The following PDZRN3 variants were observed in gnomAD, a reference collection of about 807,000 sequenced individuals.
PDZRN3 encodes E3 ubiquitin-protein ligase PDZRN3.
A neutral mutation model predicts 85.7 loss-of-function variants in PDZRN3; 38 were observed. The observed-to-expected ratio is 0.44, with a 90% CI of 0.34 to 0.58. The LOEUF (loss-of-function observed/expected upper bound fraction) is 0.58. PDZRN3 is among the 20% of genes least tolerant of loss of function. The pLI, the probability that PDZRN3 is intolerant of heterozygous loss-of-function variation, is 0.01. For synonymous variants in PDZRN3, 759 were observed against 638.0 expected (o/e 1.19, Z -2.86); for missense variants, 1,629 against 1,506.4 (o/e 1.08, Z -1.35).
chr3:73,612,201 T>C lies in PDZRN3; in HGVS notation c.724-3517A>G, dbSNP rs185710926. Among the ~76,000 whole-genome samples, 488 of 152,292 alleles carry C rather than the reference T, an allele frequency of 3.2e-3. 3 individuals carry two copies. Among genetic ancestry groups the C allele is most frequent in the African/African-American group, 0.011 (463 of 41,566 alleles). On this transcript the variant is annotated intron_variant, in intron 1 of 9. Transcript: ENST00000263666. ...CTTGCCTTCCGAAGCAGACATTGTA[T>C]CAATGCTCTAAACCTGGACAAACTG... is the stretch of plus-strand genomic sequence containing the variant.
At position 73,384,222 on chromosome 3, in the gene PDZRN3, C is replaced by T. The variant is rs1701294840; in HGVS notation, c.2344G>A (p.Ala782Thr). Residue 782 changes from alanine (A) to threonine (T), a missense_variant, in exon 10 of 10, where the codon GCG becomes ACG. Physicochemically the swap from Ala to Thr is moderately conservative, Grantham distance 58. Coordinates refer to ENST00000263666, the MANE Select transcript of PDZRN3 (RefSeq NM_015009.3). Reference protein sequence around the residue: ...EISPDNSLRRAAEGISCPSSE... With the variant: ...EISPDNSLRRTAEGISCPSSE... ...CTCGGGCAGCTGATGCCCTCCGCCG[C>T]TCTCCTCAAGGAGTTGTCGGGGGAG... 6.2e-7 allele frequency: 1 copy of T among 1,613,638 alleles called. No homozygotes were observed.
At chr3:73,563,013 A>ATATATATATATATATATATATAT (rs1187151191) in intron 3 of PDZRN3, among the ~76,000 whole-genome samples, 1 of 43,760 alleles carries the variant, frequency 2.3e-5, no homozygotes. Flanking sequence ...ATATATATAT[A>ATATATATATATATATATATATAT]TTTTTTTTTT....
Position 73,406,058 on chromosome 3 carries a change from C to A in PDZRN3, c.919-1663G>T, listed in dbSNP as rs571292600. Reference sequence around the variant, plus strand: ...GGTTATTAATGATTTGGATTCAATCCACTTAAGTAATTTATTTACATCACG... The same window carrying A: ...GGTTATTAATGATTTGGATTCAATCAACTTAAGTAATTTATTTACATCACG... On this transcript the variant is annotated intron_variant, in intron 3 of 9. Coordinates refer to ENST00000263666, the MANE Select transcript of PDZRN3 (RefSeq NM_015009.3). Among the ~76,000 whole-genome samples, 21 of 152,176 alleles carry A rather than the reference C, an allele frequency of 1.4e-4. No individual in the cohort carries two copies. In the South Asian group the frequency reaches 3.9e-3, roughly 29 times the overall value.
At chr3:73,621,691 G>A (rs1344136757) in intron 1 of PDZRN3, 2 of 152,146 alleles carry the variant, frequency 1.3e-5, no homozygotes, top group African/African-American at 2.4e-5. Context: ...AACTATCTAG[G>A]GCAGCTTCTG....
intron 3 of PDZRN3, among the ~76,000 whole-genome samples, chr3:73,404,923 T>A (rs1267574578): frequency 6.6e-6 from 1 of 152,222 alleles, no homozygotes; most frequent in African/African-American, 2.4e-5. Flanking sequence ...TATGGCAAGT[T>A]ATTATGGAGA....
intron 3 of PDZRN3, among the ~76,000 whole-genome samples, chr3:73,472,674 G>A (rs916667756): frequency 4.6e-5 from 7 of 152,116 alleles, no homozygotes; most frequent in African/African-American, 1.4e-4. Flanking sequence ...AATCAATTTA[G>A]GAATGATTAA....
intron 8 of PDZRN3, among the ~76,000 whole-genome samples, chr3:73,387,704 C>T (rs928518399): frequency 2.6e-5 from 4 of 152,100 alleles, no homozygotes; most frequent in Non-Finnish European, 5.9e-5. Flanking sequence ...GTTTTCCATT[C>T]AATTCTGTTT....
At chr3:73,501,800 A>G (rs1374110611) in intron 3 of PDZRN3, among the ~76,000 whole-genome samples, 1 of 152,150 alleles carries the variant, frequency 6.6e-6, no homozygotes. Flanking sequence ...AGATCACTTG[A>G]GGTCAGGAGT....
intron 3 of PDZRN3, among the ~76,000 whole-genome samples, chr3:73,573,829 A>ATATACATACACATACACC (rs1553704155): frequency 1.3e-3 from 82 of 62,654 alleles, no homozygotes; most frequent in African/African-American, 5.4e-3. Flanking sequence ...ATACATATAC[A>ATATACATACACATACACC]TATACATATA....
intron 3 of PDZRN3, among the ~76,000 whole-genome samples, chr3:73,456,706 T>C (rs540871807): frequency 6.6e-6 from 1 of 152,292 alleles, no homozygotes; most frequent in South Asian, 2.1e-4. Flanking sequence ...TATTCAACCA[T>C]TGATAGGTTA....
At chr3:73,584,485 GTGTGTGTGTGTGTGTA>G (rs147064330) in intron 3 of PDZRN3, among the ~76,000 whole-genome samples, 17,350 of 59,984 alleles carry the variant, frequency 0.29, 1,365 homozygotes, top group South Asian at 0.36. Flanking sequence ...GTGTGTGTGT[GTGTGTGTGTGTGTGTA>G]TGCATATGCG....
intron 4 of PDZRN3, among the ~76,000 whole-genome samples, chr3:73,401,399 G>A: frequency 6.6e-6 from 1 of 152,162 alleles, no homozygotes; most frequent in South Asian, 2.1e-4. Context: ...AACTAGGCTC[G>A]AGCCCAGGCA....
At chr3:73,497,748 T>C (rs569821302) in intron 3 of PDZRN3, among the ~76,000 whole-genome samples, 16 of 152,264 alleles carry the variant, frequency 1.1e-4, no homozygotes, top group African/African-American at 3.9e-4. Flanking sequence ...TCTCCATATA[T>C]ATCTAGGGAT....
At chr3:73,623,328 A>G (rs747380884) in intron 1 of PDZRN3, among the ~76,000 whole-genome samples, 3 of 152,262 alleles carry the variant, frequency 2.0e-5, no homozygotes, top group Non-Finnish European at 4.4e-5. Context: ...ATTTGAAAAC[A>G]GTTTTAACTC....
chr3:73,385,960 C>T (rs1701373614), intron 8 of PDZRN3, among the ~76,000 whole-genome samples, 175 bp from the exon 9 acceptor site: 1 of 152,094 alleles, frequency 6.6e-6, no homozygotes, highest in South Asian at 2.1e-4. Context: ...CCAACCCTTA[C>T]ATTAAACAGA....
At chr3:73,549,559 G>A (rs1157955478) in intron 3 of PDZRN3, among the ~76,000 whole-genome samples, 1 of 152,140 alleles carries the variant, frequency 6.6e-6, no homozygotes. Context: ...GGCAAAGGTG[G>A]CATCCTTTGT....
chr3:73,576,345 G>A (rs776520869), intron 3 of PDZRN3, among the ~76,000 whole-genome samples: 7 of 152,154 alleles, frequency 4.6e-5, no homozygotes, highest in African/African-American at 7.2e-5. Context: ...ATCTATATAC[G>A]TGATATAGGC....
chr3:73,493,599 C>G (rs764582466), intron 3 of PDZRN3, among the ~76,000 whole-genome samples: 2 of 152,090 alleles, frequency 1.3e-5, no homozygotes, highest in Non-Finnish European at 1.5e-5. Flanking sequence ...TGTTTCTGCC[C>G]GCCCTCATCC....
At chr3:73,495,215 T>C (rs1703845131) in intron 3 of PDZRN3, among the ~76,000 whole-genome samples, 2 of 152,204 alleles carry the variant, frequency 1.3e-5, no homozygotes, top group African/African-American at 4.8e-5. Flanking sequence ...AAAAGCTTCT[T>C]TCGATAGCAA....
Sources: allele counts gnomAD v4.1 joint callset (sites outside exome capture counted in the v4.1 genomes callset), GRCh38; gene constraint gnomAD v4.1.1; transcripts MANE v1.5; gene names NCBI Gene and HGNC (gene_info 2026-07-23, HGNC 2026-07-21).